The following CAMK1D variants were observed in gnomAD, a reference collection of about 807,000 sequenced individuals.
The protein encoded by CAMK1D is calcium/calmodulin dependent protein kinase ID.
Under a neutral mutation model 47.7 loss-of-function variants are expected in CAMK1D, and 9 were observed. The observed-to-expected ratio is 0.19, with a 90% CI of 0.11 to 0.33. The LOEUF (loss-of-function observed/expected upper bound fraction) is 0.33, where lower values mean the gene tolerates loss of function less well. CAMK1D is among the 10% of genes least tolerant of loss of function. The pLI is 1.00. For synonymous variants in CAMK1D, 184 were observed against 184.9 expected, an observed-to-expected ratio of 0.99 and a Z score of 0.04; for missense variants, 291 against 488.7, an observed-to-expected ratio of 0.60 and a Z score of 3.81.
chr10:12,700,009 T>A (rs1247213371), intron 3 of CAMK1D, among the ~76,000 whole-genome samples: 2 of 150,822 alleles, frequency 1.3e-5, no homozygotes, highest in Non-Finnish European at 2.9e-5. Context: ...AAAAAAAAAA[T>A]GGAAATTCAT....
intron 1 of CAMK1D, among the ~76,000 whole-genome samples, chr10:12,390,092 T>C (rs867401136): frequency 2.0e-5 from 3 of 152,176 alleles, no homozygotes; most frequent in African/African-American, 7.2e-5. Context: ...GAGGAATGAA[T>C]AGTCCTGTGT....
intron 2 of CAMK1D, among the ~76,000 whole-genome samples, chr10:12,602,757 C>T (rs1031354637): frequency 6.6e-6 from 1 of 152,016 alleles, no homozygotes; most frequent in African/African-American, 2.4e-5. Flanking sequence ...CCTGCAGAGA[C>T]GCATGGAGGC....
chr10:12,704,546 AT>A (rs1467689666), intron 3 of CAMK1D, among the ~76,000 whole-genome samples: 1 of 152,080 alleles, frequency 6.6e-6, no homozygotes, highest in Non-Finnish European at 1.5e-5. Flanking sequence ...ATTGTGTTAT[AT>A]TTTTTAAAAA....
intron 2 of CAMK1D, among the ~76,000 whole-genome samples, chr10:12,601,185 GTTTGTTTGTTTTTTT>G: frequency 1.1e-4 from 2 of 17,392 alleles, no homozygotes; most frequent in Middle Eastern, 0.059. Flanking sequence ...TTTTTTTTTT[GTTTGTTTGTTTTTTT>G]TTTTTTTTTG....
chr10:12,479,560 T>C (rs1219932785), intron 1 of CAMK1D, among the ~76,000 whole-genome samples: 3 of 152,172 alleles, frequency 2.0e-5, no homozygotes, highest in African/African-American at 7.2e-5. Context: ...GTGGGGACCA[T>C]GCTTTGAGCA....
At chr10:12,569,448 C>CGCCTGTAGTCCCAGCACTTCGGGAG (rs1837246226) in intron 2 of CAMK1D, among the ~76,000 whole-genome samples, 1 of 152,072 alleles carries the variant, frequency 6.6e-6, no homozygotes, top group South Asian at 2.1e-4. Context: ...CGGTGGCTCA[C>CGCCTGTAGTCCCAGCACTTCGGGAG]GCCTGTAGTC....
chr10:12,421,511 C>CTTTTTTTTTTTTTT (rs71384322), intron 1 of CAMK1D, among the ~76,000 whole-genome samples: 2 of 50,732 alleles, frequency 3.9e-5, no homozygotes, highest in Non-Finnish European at 6.5e-5. Flanking sequence ...ATCCAGGATT[C>CTTTTTTTTTTTTTT]TTTTTTTTTT....
chr10:12,564,228 C>G (rs1429428910), intron 2 of CAMK1D, among the ~76,000 whole-genome samples: 1 of 151,510 alleles, frequency 6.6e-6, no homozygotes, highest in African/African-American at 2.4e-5. Context: ...ATTGGAGAAC[C>G]ACACTAATGA....
At chr10:12,581,064 A>G (rs1837649647) in intron 2 of CAMK1D, among the ~76,000 whole-genome samples, 1 of 152,048 alleles carries the variant, frequency 6.6e-6, no homozygotes, top group African/African-American at 2.4e-5. Context: ...CCAAGTCTCC[A>G]GAGTCCATTG....
In CAMK1D at chr10:12,573,856, T is replaced by TG. The variant is rs1564421557; in HGVS notation, c.224+20501dup. On this transcript the variant is annotated intron_variant, in intron 2 of 10. Transcript: ENST00000619168. ...CTTTTTTTTTTTTTTTTTTTTTTTTTGTGGAGATGGGGTCTCACTCTGCTA... is the reference window on the plus strand; with the variant it reads ...CTTTTTTTTTTTTTTTTTTTTTTTTTGGTGGAGATGGGGTCTCACTCTGCTA... Among the ~76,000 whole-genome samples the TG allele has an allele frequency of 1.2e-4, 15 of 121,642 alleles. No individual in the cohort carries two copies. In the East Asian group the frequency reaches 1.7e-3, roughly 14 times the overall value. The allele number at this position is 121,642 out of a possible 152,430, so 79.8% of individuals were successfully genotyped here.
chr10:12,613,728 T>G (rs1468295856), intron 2 of CAMK1D, among the ~76,000 whole-genome samples: 2 of 152,218 alleles, frequency 1.3e-5, no homozygotes, highest in Non-Finnish European at 2.9e-5. Context: ...TCCACCTGCC[T>G]TGGCCTCCTA....
intron 1 of CAMK1D, among the ~76,000 whole-genome samples, chr10:12,379,276 A>T (rs976689718): frequency 6.6e-6 from 1 of 152,238 alleles, no homozygotes; most frequent in Admixed American, 6.5e-5. Context: ...CCTGAATCTC[A>T]GCATGACTGC....
At chr10:12,674,733 T>C (rs1275851022) in intron 3 of CAMK1D, among the ~76,000 whole-genome samples, 1 of 151,642 alleles carries the variant, frequency 6.6e-6, no homozygotes, top group Non-Finnish European at 1.5e-5. Flanking sequence ...CTGACTTGAC[T>C]TGTAGAATAT....
intron 1 of CAMK1D, among the ~76,000 whole-genome samples, chr10:12,379,256 G>A (rs1262112384): frequency 6.6e-6 from 1 of 152,152 alleles, no homozygotes; most frequent in Non-Finnish European, 1.5e-5. Context: ...CGAATATAAC[G>A]CTGTTTTGGC....
chr10:12,509,371 A>T (rs568625635), intron 1 of CAMK1D, among the ~76,000 whole-genome samples: 2 of 152,322 alleles, frequency 1.3e-5, no homozygotes, highest in East Asian at 1.9e-4. Flanking sequence ...GCTTCCTCTT[A>T]GCTGTGAATT....
intron 2 of CAMK1D, among the ~76,000 whole-genome samples, chr10:12,567,988 G>A (rs1837176216): frequency 6.6e-6 from 1 of 151,572 alleles, no homozygotes; most frequent in Non-Finnish European, 1.5e-5. Context: ...GTAGGTGGGG[G>A]CCACTTTTAC....
chr10:12,504,958 T>C (rs1834825356), intron 1 of CAMK1D, among the ~76,000 whole-genome samples: 1 of 152,208 alleles, frequency 6.6e-6, no homozygotes, highest in Admixed American at 6.5e-5. Flanking sequence ...GCTTAGAAAC[T>C]GGAAGAACAT....
chr10:12,439,440 A>G (rs1195735679), intron 1 of CAMK1D, among the ~76,000 whole-genome samples: 2 of 152,180 alleles, frequency 1.3e-5, no homozygotes, highest in Non-Finnish European at 2.9e-5. Context: ...TTAAATGGGC[A>G]TGACTGAAAG....
At chr10:12,634,493 C>T (rs770602902) in intron 2 of CAMK1D, among the ~76,000 whole-genome samples, 17 of 152,124 alleles carry the variant, frequency 1.1e-4, no homozygotes, top group African/African-American at 2.4e-4. Flanking sequence ...GGACAGAGCG[C>T]GGGGTGGGAG....
Sources: gnomAD v4.1 joint callset for allele counts (sites outside exome capture counted in the v4.1 genomes callset) on GRCh38, gnomAD v4.1.1 for gene constraint, MANE v1.5 for transcripts, NCBI Gene and HGNC (gene_info 2026-07-23, HGNC 2026-07-21) for gene names.